SI: variants seen among roughly 807,000 people sequenced by gnomAD.
SI encodes sucrase-isomaltase.
A neutral mutation model predicts 253.3 loss-of-function variants in SI; 235 were observed. The ratio of observed to expected loss-of-function variants is 0.93; its 90% CI spans 0.83 to 1.03. SI has a LOEUF of 1.03. Ranked by LOEUF, SI falls within the 50% of genes least tolerant of loss-of-function variation. The pLI, the probability that SI is intolerant of heterozygous loss-of-function variation, is 0.00. For synonymous variants in SI, 819 were observed against 712.0 expected (o/e 1.15, Z -2.39); for missense variants, 2,442 against 2,211.1 (o/e 1.10, Z -2.09).
chr3:165,040,899 C>T lies in SI; in HGVS notation c.2159+41G>A, dbSNP rs375201199. On this transcript the variant is annotated intron_variant, in intron 18 of 47. Coordinates refer to ENST00000264382, the MANE Select transcript of SI (RefSeq NM_001041.4). ...ACTTTTCTGTGTATGTTTGAACATA[C>T]TTTAAAAGGTATTATTATAATTATT... 1.7e-5 allele frequency: 26 copies of T among 1,510,896 alleles called. No homozygotes were observed. The African/African-American group carries it at 2.9e-4, about 17-fold the overall frequency. 93.6% of individuals were successfully genotyped at this position (1,510,896 alleles called of 1,614,324 possible).
intron 12 of SI, 38 bp from the exon 13 acceptor site, chr3:165,055,345 T>C (rs1713643914): frequency 9.4e-7 from 1 of 1,068,338 alleles, no homozygotes; most frequent in Non-Finnish European, 1.4e-6. Flanking sequence ...ACATAAAAAA[T>C]AGAAAAATAA....
chr3:165,041,171 CT>C lies in SI; in HGVS notation c.2005-78del. ...ATTAAAGTAGAAGCATTTTAATCTG[CT>C]TTTTAAAGCAACTACATAAATTTCA... On this transcript the variant is annotated intron_variant, in intron 17 of 47. Transcript: ENST00000264382. 3.1e-6 allele frequency: 4 copies of C among 1,294,478 alleles called. No homozygotes were observed. In the East Asian group the frequency reaches 9.3e-5, roughly 30 times the overall value. The allele number at this position is 1,294,478 out of a possible 1,614,324, so 80.2% of individuals were successfully genotyped here.
At chr3:165,052,096 G>A (rs2108236968) in intron 13 of SI, among the ~76,000 whole-genome samples, 1 of 151,992 alleles carries the variant, frequency 6.6e-6, no homozygotes, top group East Asian at 1.9e-4. Context: ...TCTAAAGTAT[G>A]TCTATATAGC....
intron 34 of SI, among the ~76,000 whole-genome samples, chr3:165,011,861 T>G (rs2108164498): frequency 6.6e-6 from 1 of 151,494 alleles, no homozygotes; most frequent in East Asian, 1.9e-4. Flanking sequence ...GTTTCTCATT[T>G]CAGTTCTGTT....
At chr3:165,030,170 A>T (rs1310234211) in intron 25 of SI, among the ~76,000 whole-genome samples, 1 of 150,980 alleles carries the variant, frequency 6.6e-6, no homozygotes, top group East Asian at 1.9e-4. Context: ...AAAAACAGGC[A>T]TAGCAAGAGG....
chr3:165,079,028 A>T (rs1165707519), upstream of SI, among the ~76,000 whole-genome samples: 5 of 151,670 alleles, frequency 3.3e-5, no homozygotes, highest in African/African-American at 1.2e-4. Flanking sequence ...CAGATCAGTA[A>T]TTTAGAGATA....
At chr3:164,985,015 A>C (rs1717369766) in intron 45 of SI, among the ~76,000 whole-genome samples, 1 of 152,172 alleles carries the variant, frequency 6.6e-6, no homozygotes, top group African/African-American at 2.4e-5. Context: ...GAAACATAAC[A>C]AAATAAGTAG....
At chr3:165,071,205 A>G (rs917268721) in intron 3 of SI, among the ~76,000 whole-genome samples, 1 of 152,072 alleles carries the variant, frequency 6.6e-6, no homozygotes, top group Non-Finnish European at 1.5e-5. Context: ...AACCTACTAC[A>G]TATACACTCC....
intron 44 of SI, among the ~76,000 whole-genome samples, chr3:164,988,872 AG>A (rs1180716916): frequency 2.0e-5 from 3 of 152,092 alleles, no homozygotes; most frequent in Non-Finnish European, 2.9e-5. Flanking sequence ...ACAGAAATCC[AG>A]GTAGAGGTTC....
intron 25 of SI, among the ~76,000 whole-genome samples, chr3:165,028,213 A>C (rs1357102716): frequency 6.6e-6 from 1 of 151,300 alleles, no homozygotes; most frequent in Non-Finnish European, 1.5e-5. Flanking sequence ...AAATAAACTA[A>C]AATACTTAGG....
At position 165,059,947 on chromosome 3, in the gene SI, T is replaced by C. The variant is rs1481835864; in HGVS notation, c.1101A>G (p.Val367=). The part of the protein sequence containing the change: ...LSRWNYKSLD[V]VKEVVRRNRE... ...GGTTTCTCCTTACCACTTCTTTCAC[T>C]ACATCTAGTGACTTATAATTCCAGC... The change falls in exon 10 of 48, where the codon GTA becomes GTG. Residue 367 remains valine (V), a synonymous_variant. Transcript: ENST00000264382. The C allele has an allele frequency of 1.2e-6, 2 of 1,612,164 alleles. No homozygotes were observed. The highest frequency in any genetic ancestry group is 2.7e-5 in the African/African-American group (2 of 74,848).
At chr3:165,016,775 A>ATAGAAAGTAT (rs1719050343) in intron 31 of SI, among the ~76,000 whole-genome samples, 1 of 151,920 alleles carries the variant, frequency 6.6e-6, no homozygotes, top group Non-Finnish European at 1.5e-5. Context: ...TCTATGTGTT[A>ATAGAAAGTAT]TAGAAAGTAT....
chr3:165,033,184 A>G (rs954313066), intron 23 of SI, among the ~76,000 whole-genome samples: 5 of 151,740 alleles, frequency 3.3e-5, no homozygotes, highest in African/African-American at 9.6e-5. Context: ...CATCAATTAC[A>G]TGGTCACAAA....
chr3:165,051,260 C>T (rs536616492), intron 13 of SI, among the ~76,000 whole-genome samples: 4 of 152,026 alleles, frequency 2.6e-5, no homozygotes, highest in African/African-American at 7.2e-5. Context: ...AAATTTGATA[C>T]ATGGAATTGA....
chr3:165,043,848 T>G (rs1196644014), intron 16 of SI, among the ~76,000 whole-genome samples: 1 of 152,002 alleles, frequency 6.6e-6, no homozygotes, highest in African/African-American at 2.4e-5. Flanking sequence ...GTAATTTCCT[T>G]TTTGTGTGAA....
intron 37 of SI, among the ~76,000 whole-genome samples, chr3:165,006,197 C>T (rs529559481): frequency 2.6e-5 from 4 of 152,310 alleles, no homozygotes; most frequent in African/African-American, 4.8e-5. Flanking sequence ...CAACCTCTGC[C>T]GCCCAGGTCC....
chr3:165,042,733 A>C (rs1712902919), intron 17 of SI, among the ~76,000 whole-genome samples: 3 of 152,272 alleles, frequency 2.0e-5, no homozygotes, highest in African/African-American at 7.2e-5. Flanking sequence ...TTACATTGTT[A>C]GAATCCAAGA....
chr3:165,027,459 C>T (rs886213467), intron 25 of SI, among the ~76,000 whole-genome samples: 1 of 151,252 alleles, frequency 6.6e-6, no homozygotes, highest in African/African-American at 2.4e-5. Flanking sequence ...TTCTATGAAG[C>T]CAGTATCACC....
chr3:165,058,094 C>T (rs980389211), intron 12 of SI, among the ~76,000 whole-genome samples: 8 of 151,552 alleles, frequency 5.3e-5, no homozygotes, highest in Admixed American at 3.3e-4. Context: ...TATTTTCTTA[C>T]ACCACAATGG....
Sources: gnomAD v4.1 joint callset for allele counts (sites outside exome capture counted in the v4.1 genomes callset) on GRCh38, gnomAD v4.1.1 for gene constraint, MANE v1.5 for transcripts, NCBI Gene and HGNC (gene_info 2026-07-23, HGNC 2026-07-21) for gene names.